The following ATP13A1 variants were observed in gnomAD, a reference collection of about 807,000 sequenced individuals.
ATP13A1 encodes the protein ATPase 13A1, also known as endoplasmic reticulum transmembrane helix translocase.
ATP13A1 carries 55 observed loss-of-function variants against 134.8 expected under a neutral mutation model. The observed-to-expected ratio is 0.41, with a 90% CI of 0.33 to 0.51. ATP13A1 has a LOEUF of 0.51. ATP13A1 is among the 20% of genes least tolerant of loss of function. ATP13A1 has a pLI of 0.29. For synonymous variants in ATP13A1, 775 were observed against 725.1 expected, an observed-to-expected ratio of 1.07 and a Z score of -1.10; for missense variants, 1,389 against 1,652.8, an observed-to-expected ratio of 0.84 and a Z score of 2.77.
chr19:19,645,928 G>T lies in ATP13A1; in HGVS notation c.3306C>A (p.Thr1102=). 1.2e-6 allele frequency: 2 copies of T among 1,613,764 alleles called. No individual in the cohort carries two copies. Among genetic ancestry groups the T allele is most frequent in the Non-Finnish European group, 1.7e-6 (2 of 1,179,890 alleles). ...GCATGGCCATGGCCATGATGTAGAC[G>T]GTGCTGTTGACCAGGCTTGGCTCAA... ...KEFEPSLVNS[T]VYIMAMAMQM... is the part of the protein sequence containing the mutation. The change falls in exon 24 of 26, where the codon ACC becomes ACA. Residue 1102 remains threonine (T), a synonymous_variant. Transcript: ENST00000357324. The surrounding 1 kb of genome is among the most constrained non-coding windows in gnomAD (Gnocchi z 4.1).
Position 19,655,853 on chromosome 19 carries a change from GCCCTCCCCAGACCTGGC to G in ATP13A1, c.1269+8_1269+24del. 1 of 1,565,198 alleles carries G rather than the reference GCCCTCCCCAGACCTGGC, an allele frequency of 6.4e-7. No homozygotes were observed. Among genetic ancestry groups the G allele is most frequent in the South Asian group, 1.2e-5 (1 of 86,052 alleles). ...TGGCTGTCCAACTGCCCTGGGGCCC[GCCCTCCCCAGACCTGGC>G]CCCGCACCTGGGATGTGTTGAATCC... On this transcript the variant is annotated splice_region_variant and intron_variant, in intron 9 of 25. Transcript: ENST00000357324. This position sits in a 1 kb window ranked among gnomAD's most constrained non-coding sequence, Gnocchi z 5.7.
rs759649760 is a variant in ATP13A1, at chr19:19,659,724, T to C, written c.554A>G (p.Glu185Gly). 6.2e-7 allele frequency: 1 copy of C among 1,613,940 alleles called. No homozygotes were observed. Among genetic ancestry groups the C allele is most frequent in the South Asian group, 1.1e-5 (1 of 91,074 alleles). The change falls in exon 3 of 26, where the codon GAG (glutamate) becomes GGG (glycine). Residue 185 changes from glutamate to glycine, a missense_variant. By Grantham distance (98) the Glu-to-Gly change is moderately conservative. Around this residue, in one of 4 missense-constraint regions of ATP13A1, gnomAD observed 293 missense variants for 270.8 expected, o/e 1.08. Transcript: ENST00000357324. The part of the protein sequence containing the change: ...QKIKYSYDAL[E>G]KKQFLPVAFP... ...GGCCACGGGGAGAAACTGCTTCTTC[T>C]CCAGGGCATCGTAGGAATACTTGAT...
intron 3 of ATP13A1, among the ~76,000 whole-genome samples, chr19:19,657,763 T>C (rs2062068918): frequency 6.6e-6 from 1 of 152,082 alleles, no homozygotes; most frequent in African/African-American, 2.4e-5. Flanking sequence ...GAACCTCTGA[T>C]TGAAAGATGG....
intron 17 of ATP13A1, chr19:19,650,693 G>C (rs1473390763): frequency 2.0e-5 from 3 of 152,694 alleles, no homozygotes; most frequent in East Asian, 1.9e-4. Flanking sequence ...GCGACCAATA[G>C]AACAGAGGGA....
At position 19,656,180 on chromosome 19, in the gene ATP13A1, G is replaced by A; in HGVS notation, c.1087C>T (p.Pro363Ser). Reference sequence around the variant, plus strand: ...CGGTCTGGGCTGAGGTCTTCGATGGGCTCCTGGGGAGGAAGATCGTGAATC... The same window carrying A: ...CGGTCTGGGCTGAGGTCTTCGATGGACTCCTGGGGAGGAAGATCGTGAATC... ...TGESVPQMKE[P>S]IEDLSPDRVL... The change falls in exon 8 of 26, where the codon CCC (proline) becomes TCC (serine). Residue 363 changes from proline (P) to serine (S), a missense_variant. Coordinates refer to ENST00000357324, the MANE Select transcript of ATP13A1 (RefSeq NM_020410.3). This position sits in a 1 kb window ranked among gnomAD's most constrained non-coding sequence, Gnocchi z 4.6. 6.2e-7 allele frequency: 1 copy of A among 1,601,368 alleles called. No homozygotes were observed. Among genetic ancestry groups the A allele is most frequent in the Non-Finnish European group, 8.5e-7 (1 of 1,172,484 alleles).
intron 17 of ATP13A1, chr19:19,650,280 T>G: frequency 8.4e-6 from 3 of 357,454 alleles, no homozygotes; most frequent in Non-Finnish European, 1.5e-5. Flanking sequence ...TGCGCTCTCC[T>G]TGGGAAACCC....
chr19:19,654,948 C>T (rs1031571200), intron 12 of ATP13A1, among the ~76,000 whole-genome samples, 171 bp downstream of exon 12: 2 of 152,200 alleles, frequency 1.3e-5, no homozygotes, highest in African/African-American at 4.8e-5. Context: ...GCCCCCGTGC[C>T]GCTACCATGG....
Position 19,649,935 on chromosome 19 carries a change from G to T in ATP13A1, c.2341C>A (p.Gln781Lys). Reference sequence around the variant, plus strand: ...CCGTCAATGGAGCGCCACTCGCACTGCCGGCCTGCGGGCAGCACCTAGGGT... The same window carrying T: ...CCGTCAATGGAGCGCCACTCGCACTTCCGGCCTGCGGGCAGCACCTAGGGT... ...ILQPPSEKGRQCEWRSIDGSI... is the reference protein window; with the variant it reads ...ILQPPSEKGRKCEWRSIDGSI... The change falls in exon 18 of 26, where the codon CAG (glutamine) becomes AAG (lysine). Residue 781 changes from glutamine to lysine, a missense_variant. This residue lies in a region of ATP13A1 where 747 missense variants were observed against 956.1 expected (regional missense o/e 0.78). Coordinates refer to ENST00000357324, the MANE Select transcript of ATP13A1 (RefSeq NM_020410.3). 6.3e-7 allele frequency: 1 copy of T among 1,589,386 alleles called. No individual in the cohort carries two copies.
chr19:19,655,793 G>A lies in ATP13A1; in HGVS notation c.1269+85C>T. The A allele has an allele frequency of 6.5e-7, 1 of 1,535,962 alleles. No individual in the cohort carries two copies. The highest frequency in any genetic ancestry group is 8.8e-7 in the Non-Finnish European group (1 of 1,142,316). On this transcript the variant is annotated intron_variant, in intron 9 of 25. Coordinates refer to ENST00000357324, the MANE Select transcript of ATP13A1 (RefSeq NM_020410.3). This position sits in a 1 kb window ranked among gnomAD's most constrained non-coding sequence, Gnocchi z 5.7. ...CCGTGCTGCCAGAGTCAGCCCGTGG[G>A]GCAGATGTTCTGGGGTCGGAAAGGG...
chr19:19,649,657 C>T lies in ATP13A1; in HGVS notation c.2542G>A (p.Val848Ile). Residue 848 changes from valine to isoleucine, a missense_variant, in exon 19 of 26, where the codon GTC becomes ATC. By Grantham distance (29) the Val-to-Ile change is conservative. Transcript: ENST00000357324. ...CCCAGCTCCTTCAGGCTGGTGATGA[C>T]AAACTCCTGTATGGGCGGAGACAGG... Reference protein sequence around the residue: ...ARVAPKQKEFVITSLKELGYV... With the variant: ...ARVAPKQKEFIITSLKELGYV... The T allele has an allele frequency of 6.2e-7, 1 of 1,613,968 alleles. No individual in the cohort carries two copies. The highest frequency in any genetic ancestry group is 8.5e-7 in the Non-Finnish European group (1 of 1,179,876).
rs757395485 is a variant in ATP13A1 at position 19,663,366 on chromosome 19, G to C, written c.301C>G (p.Leu101Val). The change falls in exon 1 of 26, where the codon CTG becomes GTG. Residue 101 changes from leucine (L) to valine (V), a missense_variant. Transcript: ENST00000357324. The part of the protein sequence containing the change: ...SSWVQIPEAA[L>V]LVLATICLAH... ...AGGCAGATGGTGGCAAGCACGAGCA[G>C]CGCAGCTTCGGGGATCTGCACCCAA... 1.3e-6 allele frequency: 2 copies of C among 1,590,364 alleles called. No homozygotes were observed. Among genetic ancestry groups the C allele is most frequent in the South Asian group, 2.3e-5 (2 of 87,812 alleles).
intron 1 of ATP13A1, chr19:19,660,533 A>C (rs963553569): frequency 6.5e-6 from 1 of 153,416 alleles, no homozygotes; most frequent in African/African-American, 2.4e-5. Flanking sequence ...TCGCACCTGT[A>C]ATCCCAGCAC....
intron 15 of ATP13A1, 95 bp from the exon 16 acceptor site, chr19:19,652,815 A>T: frequency 6.9e-7 from 1 of 1,456,294 alleles, no homozygotes; most frequent in Admixed American, 2.2e-5. Context: ...AGCCAAGGGG[A>T]CAATGGAAGG....
intron 17 of ATP13A1, 199 bp downstream of exon 17, chr19:19,651,490 G>T: frequency 2.1e-6 from 1 of 473,632 alleles, no homozygotes; most frequent in Non-Finnish European, 3.8e-6. Flanking sequence ...CCTACATGCC[G>T]CACATCCTGG....
intron 2 of ATP13A1, 25 bp downstream of exon 2, chr19:19,659,873 C>T: frequency 6.3e-7 from 1 of 1,588,228 alleles, no homozygotes; most frequent in Non-Finnish European, 8.6e-7. Flanking sequence ...GCCCCTCCTC[C>T]AGGAGCCCAG....
rs978045138 is a variant in ATP13A1 at position 19,647,415 on chromosome 19, G to A, written c.2907C>T (p.Cys969=). The A allele has an allele frequency of 3.7e-6, 6 of 1,612,698 alleles. No homozygotes were observed. The highest frequency in any genetic ancestry group is 5.1e-6 in the Non-Finnish European group (6 of 1,179,318). The change falls in exon 21 of 26, where the codon TGC becomes TGT. Residue 969 remains cysteine, a splice_region_variant and synonymous_variant. Coordinates refer to ENST00000357324, the MANE Select transcript of ATP13A1 (RefSeq NM_020410.3). This position sits in a 1 kb window ranked among gnomAD's most constrained non-coding sequence, Gnocchi z 4.8. ...GGGGAGCGGGGGCAGGCAACTCACT[G>A]CACTGGATGGATGAGAGCTTGGAGG... ...PFTSKLSSIQ[C]ICHVIKQGRC...
Position 19,661,268 on chromosome 19 carries a change from G to A in ATP13A1, c.397-1281C>T, listed in dbSNP as rs371807948. ...CCCACCCAGTACGTCCTCAATTCAC[G>A]TGAGCCAAGCCCCCGCCCCATCACA... On this transcript the variant is annotated intron_variant, in intron 1 of 25. Coordinates refer to ENST00000357324, the MANE Select transcript of ATP13A1 (RefSeq NM_020410.3). Among the ~76,000 whole-genome samples the A allele has an allele frequency of 2.5e-3, 378 of 152,214 alleles. 2 individuals are homozygous for A. Among genetic ancestry groups the A allele is most frequent in the African/African-American group, 8.5e-3 (353 of 41,534 alleles).
intron 1 of ATP13A1, chr19:19,662,133 A>G: frequency 6.4e-7 from 1 of 1,561,058 alleles, no homozygotes; most frequent in Non-Finnish European, 8.7e-7. Context: ...AGAGGAAGTT[A>G]AGAGCTAAGC....
At chr19:19,662,226 G>T in intron 1 of ATP13A1, 7 of 1,517,854 alleles carry the variant, frequency 4.6e-6, no homozygotes. Flanking sequence ...GTCCCTCATT[G>T]GTGTCTTTCA....
Sources: gnomAD v4.1 joint callset for allele counts (sites outside exome capture counted in the v4.1 genomes callset) on GRCh38, gnomAD v4.1.1 for gene constraint, gnomAD v4.1.1 regional missense constraint, Gnocchi (gnomAD v3.1) non-coding constraint, MANE v1.5 for transcripts, NCBI Gene and HGNC (gene_info 2026-07-23, HGNC 2026-07-21) for gene names.